ARNT2: variants seen among roughly 807,000 people sequenced by gnomAD.
ARNT2 encodes the protein aryl hydrocarbon receptor nuclear translocator 2, also known as ARNT protein 2.
A neutral mutation model predicts 91.7 loss-of-function variants in ARNT2; 36 were observed. The ratio of observed to expected loss-of-function variants is 0.39; its 90% confidence interval spans 0.30 to 0.52. The LOEUF (loss-of-function observed/expected upper bound fraction) is 0.52. Ranked by LOEUF, ARNT2 falls within the 20% of genes least tolerant of loss-of-function variation. ARNT2 has a pLI of 0.72. For missense variants in ARNT2, 775 were observed against 939.3 expected, an observed-to-expected ratio of 0.83 and a Z score of 2.29; for synonymous variants, 365 against 347.1, an observed-to-expected ratio of 1.05 and a Z score of -0.57.
chr15:80,593,589 C>T lies in ARNT2; in HGVS notation c.2056-11C>T, dbSNP rs933269584. 1 of 1,577,744 alleles carries T rather than the reference C, an allele frequency of 6.3e-7. No homozygotes were observed. The highest frequency in any genetic ancestry group is 8.6e-7 in the Non-Finnish European group (1 of 1,158,968). On this transcript the variant is annotated splice_polypyrimidine_tract_variant and intron_variant, in intron 18 of 18. Coordinates refer to ENST00000303329, the MANE Select transcript of ARNT2 (RefSeq NM_014862.4). ...GACTCCCCTGTGGCTCTCTTTTCCT[C>T]TCCTCTGCAGGACATGCTGCCCATG...
At chr15:80,538,874 A>G (rs1046115247) in intron 8 of ARNT2, among the ~76,000 whole-genome samples, 7 of 152,276 alleles carry the variant, frequency 4.6e-5, no homozygotes, top group Admixed American at 1.3e-4. Flanking sequence ...ATAAATGAAT[A>G]TTAAGAATAA....
rs142015511 is a variant in ARNT2 at position 80,461,766 on chromosome 15, G to A, written c.194+3790G>A. Among the ~76,000 whole-genome samples, 165 of 152,222 alleles carry A rather than the reference G, an allele frequency of 1.1e-3. 1 individual carries two copies. Among genetic ancestry groups the A allele is most frequent in the African/African-American group, 3.9e-3 (160 of 41,528 alleles). The stretch of plus-strand genomic sequence containing the variant: ...GATGGCACGAGTTTCAGAGGAGGAG[G>A]CCTTTCTGCCAAGGAGGCAAAAAGG... On this transcript the variant is annotated intron_variant, in intron 3 of 18. Coordinates refer to ENST00000303329, the MANE Select transcript of ARNT2 (RefSeq NM_014862.4).
chr15:80,526,870 A>G (rs768738181), intron 8 of ARNT2, among the ~76,000 whole-genome samples: 2 of 152,126 alleles, frequency 1.3e-5, no homozygotes, highest in African/African-American at 2.4e-5. Context: ...CTTGTTGATC[A>G]TTGTGTTTGT....
chr15:80,533,912 C>T (rs745428207), intron 8 of ARNT2, among the ~76,000 whole-genome samples: 12 of 152,352 alleles, frequency 7.9e-5, no homozygotes, highest in African/African-American at 2.2e-4. Flanking sequence ...GTCCTCTTTT[C>T]ACCTCACTGT....
In ARNT2 at chr15:80,595,822, T is replaced by C. The variant is rs907594708; in HGVS notation, c.*2124T>C. 1 of 152,238 alleles carries C rather than the reference T, an allele frequency of 6.6e-6. No individual in the cohort carries two copies. The highest frequency in any genetic ancestry group is 1.5e-5 in the Non-Finnish European group (1 of 68,060). 9.4% of individuals were successfully genotyped at this position (152,238 alleles called of 1,614,324 possible). On this transcript the variant is annotated 3_prime_UTR_variant, in exon 19 of 19. Coordinates refer to ENST00000303329, the MANE Select transcript of ARNT2 (RefSeq NM_014862.4). ...GGGCCTTTCTCTGCCTGCCCTGCCC[T>C]TGGGGCCACCTCTGCCTCCAGCAGG...
At chr15:80,548,485 G>A (rs1262875488) in intron 8 of ARNT2, among the ~76,000 whole-genome samples, 1 of 152,002 alleles carries the variant, frequency 6.6e-6, no homozygotes, top group Non-Finnish European at 1.5e-5. Context: ...AAAGAAAAAG[G>A]AAAACTGTCT....
intron 8 of ARNT2, among the ~76,000 whole-genome samples, chr15:80,530,738 G>A (rs1241951419): frequency 1.3e-5 from 2 of 152,128 alleles, no homozygotes; most frequent in Non-Finnish European, 2.9e-5. Flanking sequence ...TGCAAAGTGG[G>A]GGATCCATTT....
intron 11 of ARNT2, among the ~76,000 whole-genome samples, chr15:80,558,318 T>C (rs1471564095): frequency 1.3e-5 from 2 of 151,090 alleles, no homozygotes; most frequent in African/African-American, 2.4e-5. Context: ...GTGGGCAGAC[T>C]TCATTACGTC....
intron 5 of ARNT2, among the ~76,000 whole-genome samples, chr15:80,483,324 C>T (rs181906523): frequency 3.3e-5 from 5 of 152,344 alleles, no homozygotes; most frequent in Non-Finnish European, 7.3e-5. Context: ...GGGCTGCTTG[C>T]AGCAACCTGG....
At chr15:80,562,943 C>T (rs1309191203) in intron 11 of ARNT2, 145 bp from the exon 12 acceptor site, 1 of 870,016 alleles carries the variant, frequency 1.1e-6, no homozygotes, top group East Asian at 2.4e-5. Flanking sequence ...AACTGCTCTC[C>T]CTCTCTTACT....
At chr15:80,455,449 G>A (rs976310663) in intron 2 of ARNT2, among the ~76,000 whole-genome samples, 8 of 152,026 alleles carry the variant, frequency 5.3e-5, no homozygotes, top group African/African-American at 1.9e-4. Context: ...CTGGAGCAAG[G>A]CCATCTCTTT....
chr15:80,551,247 A>G lies in ARNT2; in HGVS notation c.926A>G (p.Tyr309Cys). ...GCTGATGTGGGACAAGGCAGTAAAT[A>G]TTGCCTCGTGGCAATTGGGAGACTC... Reference protein sequence around the residue: ...EDADVGQGSKYCLVAIGRLQV... With the variant: ...EDADVGQGSKCCLVAIGRLQV... Residue 309 changes from tyrosine (Y) to cysteine (C), a missense_variant, in exon 9 of 19, where the codon TAT becomes TGT. Physicochemically the swap from Tyr to Cys is radical, Grantham distance 194. This residue lies in a region of ARNT2 where 285 missense variants were observed against 327.2 expected (regional missense o/e 0.87). Transcript: ENST00000303329. 6.2e-7 allele frequency: 1 copy of G among 1,614,004 alleles called. No individual in the cohort carries two copies. Among genetic ancestry groups the G allele is most frequent in the Non-Finnish European group, 8.5e-7 (1 of 1,179,884 alleles).
rs1022769299 is a variant in ARNT2 at position 80,595,625 on chromosome 15, A to G, written c.*1927A>G. On this transcript the variant is annotated 3_prime_UTR_variant, in exon 19 of 19. Transcript: ENST00000303329. ...AGCTGTGCATGACTGCAGTTCCTAG[A>G]CTCTAACTTAACCCCAACTTTGCAG... The G allele has an allele frequency of 6.6e-6, 1 of 152,110 alleles. No homozygotes were observed. Among genetic ancestry groups the G allele is most frequent in the African/African-American group, 2.4e-5 (1 of 41,406 alleles). 9.4% of individuals were successfully genotyped at this position (152,110 alleles called of 1,614,324 possible). A position where few individuals can be genotyped will look rare whatever the true frequency, so the allele number is the denominator to read the frequency against.
In ARNT2 at chr15:80,518,184, G is replaced by A. The variant is rs553677313; in HGVS notation, c.877+3779G>A. Reference sequence around the variant, plus strand: ...TGTGTTTAATGTTTTAAATATTGTAGCTATAGGTTCCAGAGGCTATAAATT... The same window carrying A: ...TGTGTTTAATGTTTTAAATATTGTAACTATAGGTTCCAGAGGCTATAAATT... On this transcript the variant is annotated intron_variant, in intron 8 of 18. Coordinates refer to ENST00000303329, the MANE Select transcript of ARNT2 (RefSeq NM_014862.4). 4.0e-5 allele frequency among the ~76,000 whole-genome samples: 6 copies of A among 151,226 alleles called. No individual in the cohort carries two copies. The East Asian group carries it at 1.2e-3, about 29-fold the overall frequency.
At chr15:80,519,933 C>T (rs1466023160) in intron 8 of ARNT2, among the ~76,000 whole-genome samples, 1 of 148,902 alleles carries the variant, frequency 6.7e-6, no homozygotes, top group Non-Finnish European at 1.5e-5. Flanking sequence ...CTCCTGACCT[C>T]ATGCTCCGCC....
intron 12 of ARNT2, among the ~76,000 whole-genome samples, chr15:80,569,562 GT>G (rs1898549421): frequency 6.6e-6 from 1 of 152,326 alleles, no homozygotes; most frequent in South Asian, 2.1e-4. Context: ...AAACCCAAAG[GT>G]TGTGGGATGG....
intron 1 of ARNT2, among the ~76,000 whole-genome samples, chr15:80,426,216 T>C (rs1895930353): frequency 6.6e-6 from 1 of 152,242 alleles, no homozygotes; most frequent in Admixed American, 6.5e-5. Flanking sequence ...ATATCATTTA[T>C]TGGATGCATG....
At chr15:80,441,736 T>C (rs1484631805) in intron 1 of ARNT2, among the ~76,000 whole-genome samples, 1 of 152,218 alleles carries the variant, frequency 6.6e-6, no homozygotes, top group East Asian at 1.9e-4. Flanking sequence ...CTGCCTACAC[T>C]GTATTATAGG....
chr15:80,477,667 A>G (rs1896827250), intron 5 of ARNT2, among the ~76,000 whole-genome samples: 1 of 152,156 alleles, frequency 6.6e-6, no homozygotes. Context: ...TCTTATGAGG[A>G]CACCAGTCAC....
Sources: allele counts gnomAD v4.1 joint callset (sites outside exome capture counted in the v4.1 genomes callset), GRCh38; gene constraint gnomAD v4.1.1; regional missense constraint gnomAD v4.1.1; transcripts MANE v1.5; gene names NCBI Gene and HGNC (gene_info 2026-07-23, HGNC 2026-07-21).